Variants in RNF40 observed in about 807,000 individuals in gnomAD.
RNF40 encodes E3 ubiquitin-protein ligase BRE1B.
Under a neutral mutation model 123.3 loss-of-function variants are expected in RNF40, and 39 were observed. The ratio of observed to expected loss-of-function variants is 0.32; its 90% confidence interval spans 0.24 to 0.41. The LOEUF (loss-of-function observed/expected upper bound fraction) is 0.41, where lower values mean the gene tolerates loss of function less well. Ranked by LOEUF, RNF40 falls within the 10% of genes least tolerant of loss-of-function variation. The pLI is 1.00. For missense variants in RNF40, 1,003 were observed against 1,319.9 expected (o/e 0.76, Z 3.72); for synonymous variants, 538 against 526.0 (o/e 1.02, Z -0.31).
chr16:30,769,018 G>A, intron 15 of RNF40, 31 bp downstream of exon 15: 1 of 1,613,268 alleles, frequency 6.2e-7, no homozygotes, highest in Non-Finnish European at 8.5e-7. Flanking sequence ...TCGCGTCGGA[G>A]CGCAGGGAGT....
rs990831012 is a variant in RNF40 at position 30,774,959 on chromosome 16, G to A, written c.*845G>A. The A allele has an allele frequency of 4.4e-6, 2 of 456,364 alleles. No individual in the cohort carries two copies. The highest frequency in any genetic ancestry group is 8.8e-6 in the Non-Finnish European group (2 of 226,808). 28.3% of individuals were successfully genotyped at this position (456,364 alleles called of 1,614,324 possible). ...GGGAAGGGACAGACCAGCCCCAGCC[G>A]CTGGGCCAACTTCCAATCATTCCAG... On this transcript the variant is annotated 3_prime_UTR_variant, in exon 20 of 20. Transcript: ENST00000324685.
At chr16:30,769,120 A>C (rs2054099249) in intron 15 of RNF40, 66 bp from the exon 16 acceptor site, 1 of 1,598,638 alleles carries the variant, frequency 6.3e-7, no homozygotes, top group Non-Finnish European at 8.6e-7. Flanking sequence ...GCGTTTTCCC[A>C]TGGTTCCCCC....
chr16:30,768,405 A>G lies in RNF40; in HGVS notation c.1854A>G (p.Glu618=), dbSNP rs2054079815. Residue 618 remains glutamate, a synonymous_variant, in exon 13 of 20, where the codon GAA becomes GAG. Coordinates refer to ENST00000324685, the MANE Select transcript of RNF40 (RefSeq NM_014771.4). The surrounding 1 kb of genome is among the most constrained non-coding windows in gnomAD (Gnocchi z 4.1). ...CCAAGCGGGAGCTTCGGGAACGGGA[A>G]GGTCCCAGCCTAGGACCTCCACCTG... ...ARPKRELRER[E]GPSLGPPPVA... is the part of the protein sequence containing the mutation. The G allele has an allele frequency of 6.2e-7, 1 of 1,613,724 alleles. No homozygotes were observed. The highest frequency in any genetic ancestry group is 1.1e-5 in the South Asian group (1 of 91,064).
rs375969920 is a variant in RNF40 at position 30,774,003 on chromosome 16, C to T, written c.2895C>T (p.His965=). The T allele has an allele frequency of 5.0e-6, 8 of 1,614,008 alleles. No homozygotes were observed. In the African/African-American group the frequency reaches 6.7e-5, roughly 13 times the overall value. Residue 965 remains histidine (H), a synonymous_variant, in exon 20 of 20, where the codon CAC becomes CAT. Transcript: ENST00000324685. ...ATGCAGTCCTTACCAAGTGCTTCCACGTTTTCTGCTTCGAGTGCGTGCGGG... is the reference window on the plus strand; with the variant it reads ...ATGCAGTCCTTACCAAGTGCTTCCATGTTTTCTGCTTCGAGTGCGTGCGGG... ...KKDAVLTKCF[H]VFCFECVRGR...
At chr16:30,762,432 G>GA (rs2053870521) in intron 1 of RNF40, 43 bp from the exon 2 acceptor site, 6 of 1,187,512 alleles carry the variant, frequency 5.1e-6, no homozygotes, top group Non-Finnish European at 6.8e-6. Flanking sequence ...TGGGGCTGTG[G>GA]AACACCAGCC....
chr16:30,771,714 G>T (rs193054521), intron 17 of RNF40, 119 bp from the exon 18 acceptor site: 116 of 1,143,578 alleles, frequency 1.0e-4, no homozygotes, highest in African/African-American at 5.2e-4. Context: ...CAGGAGGCAG[G>T]AGCAGCTCCA....
rs2054199685 is a variant in RNF40, at chr16:30,774,384, C to T, written c.*270C>T. 2.4e-6 allele frequency: 1 copy of T among 415,172 alleles called. No homozygotes were observed. Among genetic ancestry groups the T allele is most frequent in the Non-Finnish European group, 4.3e-6 (1 of 230,540 alleles). The allele number at this position is 415,172 out of a possible 1,614,324, so 25.7% of individuals were successfully genotyped here. On this transcript the variant is annotated 3_prime_UTR_variant, in exon 20 of 20. Coordinates refer to ENST00000324685, the MANE Select transcript of RNF40 (RefSeq NM_014771.4). ...CCTGAGAGGCCTGAGGAGCCCAGAG[C>T]ACTTGACTGAGCTTCCCGGAAACTG...
chr16:30,763,515 G>GTGA lies in RNF40; in HGVS notation c.401_403dup (p.Asp134dup). Reference sequence around the variant, plus strand: ...CCTGGGACCCAGGAGGGGCCAACATGTGATGGGACTCCTCTCCCAGAGCCG... The same window carrying GTGA: ...CCTGGGACCCAGGAGGGGCCAACATGTGATGATGGGACTCCTCTCCCAGAGCCG... On this transcript the variant is annotated inframe_insertion, in exon 4 of 20. Coordinates refer to ENST00000324685, the MANE Select transcript of RNF40 (RefSeq NM_014771.4). 1.9e-6 allele frequency: 3 copies of GTGA among 1,614,172 alleles called. No individual in the cohort carries two copies. Among genetic ancestry groups the GTGA allele is most frequent in the Non-Finnish European group, 2.5e-6 (3 of 1,180,052 alleles).
chr16:30,763,304 C>T lies in RNF40; in HGVS notation c.300+19C>T. On this transcript the variant is annotated intron_variant, in intron 3 of 19. Transcript: ENST00000324685. Reference sequence around the variant, plus strand: ...GGCCCAGGTGGATACCTTCTGCTTTCAAAGACCAGGCCTTGATTCAGCTGC... The same window carrying T: ...GGCCCAGGTGGATACCTTCTGCTTTTAAAGACCAGGCCTTGATTCAGCTGC... 1.2e-6 allele frequency: 2 copies of T among 1,613,366 alleles called. No homozygotes were observed. The highest frequency in any genetic ancestry group is 1.3e-5 in the African/African-American group (1 of 75,034).
At position 30,765,239 on chromosome 16, in the gene RNF40, C is replaced by T; in HGVS notation, c.830C>T (p.Thr277Ile). ...GAGACCAAGGTGCTGGAGATGGAGACAACAGTGGAGGACTTGCAGTGGGAC... is the reference window on the plus strand; with the variant it reads ...GAGACCAAGGTGCTGGAGATGGAGATAACAGTGGAGGACTTGCAGTGGGAC... ...SAETKVLEMETTVEDLQWDIE... is the reference protein window; with the variant it reads ...SAETKVLEMEITVEDLQWDIE... The change falls in exon 7 of 20, where the codon ACA becomes ATA. Residue 277 changes from threonine to isoleucine, a missense_variant. By Grantham distance (89) the Thr-to-Ile change is moderately conservative (BLOSUM62 -1). This residue lies in a region of RNF40 where 274 missense variants were observed against 356.9 expected (regional missense o/e 0.77). Coordinates refer to ENST00000324685, the MANE Select transcript of RNF40 (RefSeq NM_014771.4). 1 of 1,614,186 alleles carries T rather than the reference C, an allele frequency of 6.2e-7. No homozygotes were observed. Among genetic ancestry groups the T allele is most frequent in the Non-Finnish European group, 8.5e-7 (1 of 1,180,038 alleles).
intron 17 of RNF40, among the ~76,000 whole-genome samples, chr16:30,770,119 A>ATGGATTTTTTTT (rs144255833): frequency 1.0e-5 from 1 of 98,848 alleles, no homozygotes; most frequent in Non-Finnish European, 2.0e-5. Context: ...AAAACAAAAG[A>ATGGATTTTTTTT]TTTTTGAGTT....
At chr16:30,763,843 G>A (rs1412207545) in intron 4 of RNF40, among the ~76,000 whole-genome samples, 1 of 152,194 alleles carries the variant, frequency 6.6e-6, no homozygotes, top group Non-Finnish European at 1.5e-5. Context: ...TGTTGCACTT[G>A]CTATAAGGGA....
At position 30,766,678 on chromosome 16, in the gene RNF40, A is replaced by G; in HGVS notation, c.1294-63A>G. ...GGTCCCTGGGGAATAGATTCTTCCT[A>G]AGATACTGAGTCCTGAGGTGGGACC... On this transcript the variant is annotated intron_variant, in intron 10 of 19. Coordinates refer to ENST00000324685, the MANE Select transcript of RNF40 (RefSeq NM_014771.4). This position sits in a 1 kb window ranked among gnomAD's most constrained non-coding sequence, Gnocchi z 5.4. The G allele has an allele frequency of 1.9e-6, 3 of 1,604,328 alleles. No individual in the cohort carries two copies. The highest frequency in any genetic ancestry group is 1.7e-6 in the Non-Finnish European group (2 of 1,174,252).
Position 30,768,830 on chromosome 16 carries a change from T to G in RNF40, c.2098-8T>G, listed in dbSNP as rs767079779. 7 of 1,614,026 alleles carry G rather than the reference T, an allele frequency of 4.3e-6. No individual in the cohort carries two copies. The African/African-American group carries it at 9.3e-5, about 22-fold the overall frequency. On this transcript the variant is annotated splice_region_variant and splice_polypyrimidine_tract_variant and intron_variant, in intron 14 of 19. Transcript: ENST00000324685. The surrounding 1 kb of genome is among the most constrained non-coding windows in gnomAD (Gnocchi z 4.1). ...TGTCAAGAGAGTTTCTTCTTCCCTG[T>G]GCTATAGGTTGATGAGCTGCGGAGC...
At position 30,772,107 on chromosome 16, in the gene RNF40, C is replaced by A. The variant is rs1333832041; in HGVS notation, c.2746C>A (p.Arg916=). Residue 916 remains arginine, a synonymous_variant, in exon 19 of 20, where the codon CGG becomes AGG. Coordinates refer to ENST00000324685, the MANE Select transcript of RNF40 (RefSeq NM_014771.4). The part of the protein sequence containing the change: ...KRAQEDISRL[R]RKLEKQRKVE... Reference sequence around the variant, plus strand: ...GCCCCAGGAGGACATCTCACGGCTGCGGCGCAAGCTGGAAAAGCAGAGGAA... The same window carrying A: ...GCCCCAGGAGGACATCTCACGGCTGAGGCGCAAGCTGGAAAAGCAGAGGAA... The A allele has an allele frequency of 1.3e-6, 2 of 1,559,140 alleles. No individual in the cohort carries two copies. The highest frequency in any genetic ancestry group is 1.2e-5 in the South Asian group (1 of 85,014).
chr16:30,765,524 C>T (rs754218555), intron 8 of RNF40, 25 bp downstream of exon 8: 3 of 1,602,796 alleles, frequency 1.9e-6, no homozygotes, highest in African/African-American at 1.3e-5. Flanking sequence ...CCTCCCACCC[C>T]TTCTCACAAC....
Position 30,769,352 on chromosome 16 carries a change from A to T in RNF40, c.2414A>T (p.Glu805Val). 6.2e-7 allele frequency: 1 copy of T among 1,614,178 alleles called. No individual in the cohort carries two copies. The highest frequency in any genetic ancestry group is 8.5e-7 in the Non-Finnish European group (1 of 1,180,020). The change falls in exon 16 of 20, where the codon GAG becomes GTG. Residue 805 changes from glutamate (E) to valine (V), a missense_variant. Coordinates refer to ENST00000324685, the MANE Select transcript of RNF40 (RefSeq NM_014771.4). ...KANQIHKLLR[E>V]EKDELGEQVL... ...AACCAGATTCACAAGCTGCTGCGGG[A>T]GGAGAAGGATGAGTTGGGCGAGCAG... is the stretch of plus-strand genomic sequence containing the variant.
rs752626271 is a variant in RNF40, at chr16:30,771,826, T to A, written c.2587-7T>A. ...CCAGTGCCTCCTTCCTGTTCCACCC[T>A]ACTCAGGCTGTAGAAGCCGCCCAGC... is the stretch of plus-strand genomic sequence containing the variant. On this transcript the variant is annotated splice_region_variant and splice_polypyrimidine_tract_variant and intron_variant, in intron 17 of 19. Transcript: ENST00000324685. 3.8e-6 allele frequency: 6 copies of A among 1,564,528 alleles called. No individual in the cohort carries two copies. The East Asian group carries it at 1.3e-4, about 35-fold the overall frequency.
At position 30,764,201 on chromosome 16, in the gene RNF40, G is replaced by A. The variant is rs141178194; in HGVS notation, c.465G>A (p.Arg155=). The change falls in exon 5 of 20, where the codon CGG becomes CGA. Residue 155 remains arginine, a synonymous_variant. Transcript: ENST00000324685. The stretch of plus-strand genomic sequence containing the variant: ...CAGACCCCTTGCTGATGCAGCTGCG[G>A]CCCCCTCTCAGTGAGCCGGCCTTGG... The part of the protein sequence containing the change: ...ELRDPLLMQL[R]PPLSEPALAF... 5.3e-3 allele frequency: 8,518 copies of A among 1,610,502 alleles called. 48 individuals carry two copies. Among genetic ancestry groups the A allele is most frequent in the Non-Finnish European group, 5.3e-3 (6,212 of 1,178,292 alleles).
Sources: allele counts gnomAD v4.1 joint callset (sites outside exome capture counted in the v4.1 genomes callset), GRCh38; gene constraint gnomAD v4.1.1; regional missense constraint gnomAD v4.1.1; non-coding constraint Gnocchi (gnomAD v3.1); transcripts MANE v1.5; gene names NCBI Gene and HGNC (gene_info 2026-07-23, HGNC 2026-07-21).